The following ERN2 variants were observed in gnomAD, a reference collection of about 807,000 sequenced individuals.
The protein encoded by ERN2 is endoplasmic reticulum to nucleus signaling 2.
A neutral mutation model predicts 107.9 loss-of-function variants in ERN2; 111 were observed. The observed-to-expected ratio is 1.03, with a 90% CI of 0.88 to 1.20. The LOEUF is 1.20. Ranked by LOEUF, ERN2 falls within the 50% of genes most tolerant of loss-of-function variation. ERN2 has a pLI of 0.00. For synonymous variants in ERN2, 524 were observed against 501.7 expected, an observed-to-expected ratio of 1.04 and a Z score of -0.59; for missense variants, 1,225 against 1,197.9, an observed-to-expected ratio of 1.02 and a Z score of -0.33.
chr16:23,712,968 A>T, intron 1 of ERN2, 127 bp downstream of exon 1: 1 of 705,490 alleles, frequency 1.4e-6, no homozygotes, highest in Non-Finnish European at 2.2e-6. Context: ...CCGAGTTGGG[A>T]CCACCCAGGC....
intron 11 of ERN2, 58 bp from the exon 12 acceptor site, chr16:23,701,172 T>C: frequency 6.4e-7 from 1 of 1,562,858 alleles, no homozygotes; most frequent in Non-Finnish European, 8.7e-7. Flanking sequence ...ACCCCTAACT[T>C]TTCTTCATCA....
chr16:23,693,589 CA>C (rs765586188), intron 17 of ERN2, among the ~76,000 whole-genome samples: 225 of 134,886 alleles, frequency 1.7e-3, no homozygotes, highest in Non-Finnish European at 1.5e-3. Flanking sequence ...AACTCCATCT[CA>C]AAAAAAAAAA....
chr16:23,701,572 C>T (rs1329037728), intron 11 of ERN2, among the ~76,000 whole-genome samples: 6 of 151,676 alleles, frequency 4.0e-5, no homozygotes, highest in Admixed American at 3.9e-4. Flanking sequence ...GAATATTTTA[C>T]AATTTTTACG....
At position 23,708,037 on chromosome 16, in the gene ERN2, C is replaced by T. The variant is rs557673671; in HGVS notation, c.307-958G>A. 1.4e-4 allele frequency among the ~76,000 whole-genome samples: 21 copies of T among 152,304 alleles called. No homozygotes were observed. The South Asian group carries it at 4.3e-3, about 32-fold the overall frequency. ...GGACAGGGTGAGATCAGAGTATGCC[C>T]TGCTGTCCTTGTCACAAAGTCCTCA... is the stretch of plus-strand genomic sequence containing the variant. On this transcript the variant is annotated intron_variant, in intron 4 of 21. Transcript: ENST00000256797.
At position 23,695,290 on chromosome 16, in the gene ERN2, C is replaced by T; in HGVS notation, c.1710G>A (p.Arg570=). The T allele has an allele frequency of 6.2e-7, 1 of 1,613,992 alleles. No homozygotes were observed. The highest frequency in any genetic ancestry group is 8.5e-7 in the Non-Finnish European group (1 of 1,180,008). The change falls in exon 15 of 22, where the codon AGG becomes AGA. Residue 570 remains arginine (R), a synonymous_variant. Transcript: ENST00000256797. ...AGAAGTAGCGGAGCACGTTGGGGTG[C>T]CTGTCAGACTCCTGCAGCAGTTGAA... The part of the protein sequence containing the change: ...REVQLLQESD[R]HPNVLRYFCT...
intron 3 of ERN2, 106 bp downstream of exon 3, chr16:23,710,410 C>T (rs1410187958): frequency 7.6e-7 from 1 of 1,317,874 alleles, no homozygotes; most frequent in Non-Finnish European, 1.1e-6. Flanking sequence ...AATTCTCTTC[C>T]CTTACTTCCA....
chr16:23,712,083 A>G (rs1960569481), intron 1 of ERN2: 1 of 452,182 alleles, frequency 2.2e-6, no homozygotes, highest in Non-Finnish European at 4.5e-6. Context: ...GCACCCCTAC[A>G]AAGGCCACAT....
Position 23,703,590 on chromosome 16 carries a change from T to A in ERN2, c.855-888A>T, listed in dbSNP as rs897266300. ...TTTCTAAAATGAAAATATGATTAAA[T>A]CACTTCCTTCCTTAAAACTCTCCAG... is the stretch of plus-strand genomic sequence containing the variant. On this transcript the variant is annotated intron_variant, in intron 8 of 21. Coordinates refer to ENST00000256797, the MANE Select transcript of ERN2 (RefSeq NM_033266.4). Among the ~76,000 whole-genome samples the A allele has an allele frequency of 3.5e-4, 54 of 152,222 alleles. 1 individual carries two copies. The highest frequency in any genetic ancestry group is 1.1e-3 in the African/African-American group (47 of 41,464).
At chr16:23,701,399 G>A (rs567360566) in intron 11 of ERN2, among the ~76,000 whole-genome samples, 106 of 152,306 alleles carry the variant, frequency 7.0e-4, no homozygotes, top group African/African-American at 4.1e-4. Flanking sequence ...GATCCTAAAC[G>A]CGTTAGCGCT....
intron 19 of ERN2, 44 bp from the exon 20 acceptor site, chr16:23,691,469 GC>G (rs1412460703): frequency 6.3e-7 from 1 of 1,585,200 alleles, no homozygotes; most frequent in Non-Finnish European, 8.5e-7. Context: ...GGGGCCAGAG[GC>G]CACATAGCCA....
chr16:23,706,687 G>T, intron 6 of ERN2, 67 bp downstream of exon 6: 1 of 1,128,036 alleles, frequency 8.9e-7, no homozygotes, highest in Non-Finnish European at 1.3e-6. Context: ...GTTAGCCACA[G>T]CTAGATCTCA....
intron 17 of ERN2, among the ~76,000 whole-genome samples, chr16:23,694,159 T>A (rs2141005493): frequency 6.6e-6 from 1 of 152,204 alleles, no homozygotes; most frequent in Non-Finnish European, 1.5e-5. Flanking sequence ...CCACACCGGC[T>A]AAATTGTGTG....
chr16:23,694,727 C>G lies in ERN2; in HGVS notation c.2100+1G>C. 6.2e-7 allele frequency: 1 copy of G among 1,601,698 alleles called. No homozygotes were observed. ...CTGGAGGACTTGGTGGATAGACTCA[C>G]AGGACTGTCTGGTGGCAGGAGCTGC... is the stretch of plus-strand genomic sequence containing the variant. On this transcript the variant is annotated splice_donor_variant, in intron 17 of 21. Transcript: ENST00000256797. LOFTEE classifies it high-confidence loss of function.
Position 23,698,646 on chromosome 16 carries a change from C to T in ERN2, c.1525+1893G>A, listed in dbSNP as rs1016642510. On this transcript the variant is annotated intron_variant, in intron 13 of 21. Transcript: ENST00000256797. ...TGTTGCCCAGGCTGGAGTGCAGTGG[C>T]GCAATCTTGGCTCATTGCAACCTCT... 5.9e-5 allele frequency among the ~76,000 whole-genome samples: 9 copies of T among 152,146 alleles called. No individual in the cohort carries two copies. The East Asian group carries it at 9.7e-4, about 16-fold the overall frequency.
At chr16:23,691,792 A>G (rs898183810) in intron 19 of ERN2, among the ~76,000 whole-genome samples, 171 bp downstream of exon 19, 3 of 152,226 alleles carry the variant, frequency 2.0e-5, no homozygotes, top group African/African-American at 7.2e-5. Flanking sequence ...GAGAGTGCCA[A>G]GATGGCGGAG....
In ERN2 at chr16:23,712,059, C is replaced by T. The variant is rs550060937; in HGVS notation, c.93+1036G>A. 211 of 453,556 alleles carry T rather than the reference C, an allele frequency of 4.7e-4. 1 individual carries two copies. The highest frequency in any genetic ancestry group is 3.1e-3 in the South Asian group (197 of 64,046). The allele number at this position is 453,556 out of a possible 1,614,324, so 28.1% of individuals were successfully genotyped here. A position where few individuals can be genotyped will look rare whatever the true frequency, so the allele number is the denominator to read the frequency against. ...AGCTCCCAGCAGGAGGCCTAACATC[C>T]GGGTGGCCCAGCCGCACCCCTACAA... On this transcript the variant is annotated intron_variant, in intron 1 of 21. Transcript: ENST00000256797.
chr16:23,695,939 G>A lies in ERN2; in HGVS notation c.1565C>T (p.Pro522Leu). 1.2e-6 allele frequency: 2 copies of A among 1,614,156 alleles called. No individual in the cohort carries two copies. Among genetic ancestry groups the A allele is most frequent in the Non-Finnish European group, 1.7e-6 (2 of 1,180,012 alleles). ...TGCCCCGCGGCCCAGCACGTCCTTG[G>A]GATTGAAGGAAATCTTCCCCACTAC... Reference protein sequence around the residue: ...LTVVGKISFNPKDVLGRGAGG... With the variant: ...LTVVGKISFNLKDVLGRGAGG... Residue 522 changes from proline to leucine, a missense_variant, in exon 14 of 22, where the codon CCC becomes CTC. Physicochemically the swap from Pro to Leu is moderately conservative, Grantham distance 98. Transcript: ENST00000256797.
In ERN2 at chr16:23,702,681, C is replaced by A; in HGVS notation, c.876G>T (p.Lys292Asn). 1 of 1,614,124 alleles carries A rather than the reference C, an allele frequency of 6.2e-7. No individual in the cohort carries two copies. Among genetic ancestry groups the A allele is most frequent in the South Asian group, 1.1e-5 (1 of 91,078 alleles). ...TQLLMTLYVG[K>N]DETGFYVSKA... is the part of the protein sequence containing the mutation. Reference sequence around the variant, plus strand: ...TAGAGACATAGAAGCCAGTTTCATCCTTCCCCACATACAGCGTCATTCTAG... The same window carrying A: ...TAGAGACATAGAAGCCAGTTTCATCATTCCCCACATACAGCGTCATTCTAG... The change falls in exon 9 of 22, where the codon AAG becomes AAT. Residue 292 changes from lysine (K) to asparagine (N), a missense_variant. Lys to Asn is a moderately conservative substitution (Grantham distance 94). Coordinates refer to ENST00000256797, the MANE Select transcript of ERN2 (RefSeq NM_033266.4).
intron 17 of ERN2, among the ~76,000 whole-genome samples, chr16:23,694,391 C>G (rs1327954198): frequency 6.6e-6 from 1 of 152,204 alleles, no homozygotes; most frequent in African/African-American, 2.4e-5. Context: ...CTCAGCACAA[C>G]TGGCATTTTG....
Sources: gnomAD v4.1 joint callset for allele counts (sites outside exome capture counted in the v4.1 genomes callset) on GRCh38, gnomAD v4.1.1 for gene constraint, MANE v1.5 for transcripts, NCBI Gene and HGNC (gene_info 2026-07-23, HGNC 2026-07-21) for gene names.